PIEZO1: variants seen among roughly 807,000 people sequenced by gnomAD.
PIEZO1 encodes the protein piezo-type mechanosensitive ion channel component 1.
Under a neutral mutation model 297.2 loss-of-function variants are expected in PIEZO1, and 296 were observed. The observed-to-expected ratio is 1.00, with a 90% CI of 0.91 to 1.10. The LOEUF (loss-of-function observed/expected upper bound fraction) is 1.10. Ranked by LOEUF, PIEZO1 falls within the 50% of genes least tolerant of loss-of-function variation. The pLI, the probability that PIEZO1 is intolerant of heterozygous loss-of-function variation, is 0.00. For missense variants in PIEZO1, 5,018 were observed against 3,455.5 expected, an observed-to-expected ratio of 1.45 and a Z score of -11.34; for synonymous variants, 2,427 against 1,507.5, an observed-to-expected ratio of 1.61 and a Z score of -14.13.
At position 88,738,449 on chromosome 16, in the gene PIEZO1, C is replaced by T. The variant is rs1055357956; in HGVS notation, c.635-9G>A. On this transcript the variant is annotated splice_polypyrimidine_tract_variant and intron_variant, in intron 6 of 50. Coordinates refer to ENST00000301015, the MANE Select transcript of PIEZO1 (RefSeq NM_001142864.4). ...CGAGGGGTGGGCGATGCCTGCGGGG[C>T]AGGGGCACACAGGGTGGTACCTGGC... is the stretch of plus-strand genomic sequence containing the variant. The T allele has an allele frequency of 6.5e-7, 1 of 1,534,790 alleles. No homozygotes were observed. Among genetic ancestry groups the T allele is most frequent in the Admixed American group, 2.0e-5 (1 of 50,992 alleles).
rs576496712 is a variant in PIEZO1, at chr16:88,726,160, C to T, written c.3968+124G>A. The T allele has an allele frequency of 5.3e-6, 4 of 754,482 alleles. No homozygotes were observed. The East Asian group carries it at 1.1e-4, about 20-fold the overall frequency. The allele number at this position is 754,482 out of a possible 1,614,324, so 46.7% of individuals were successfully genotyped here. A position where few individuals can be genotyped will look rare whatever the true frequency, so the allele number is the denominator to read the frequency against. ...CTTCATTCTCCCTCTAGATGACACG[C>T]CCATGTCACAGAGTGGCAGAGCCTG... On this transcript the variant is annotated intron_variant, in intron 27 of 50. Transcript: ENST00000301015.
chr16:88,738,960 G>A, intron 5 of PIEZO1: 1 of 585,382 alleles, frequency 1.7e-6, no homozygotes, highest in Non-Finnish European at 3.0e-6. Context: ...GGCCTTCCTG[G>A]TAGCAGCTCC....
intron 44 of PIEZO1, 88 bp downstream of exon 44, chr16:88,719,486 C>A: frequency 7.6e-7 from 1 of 1,323,406 alleles, no homozygotes; most frequent in Non-Finnish European, 1.0e-6. Context: ...CCTCCAGCAC[C>A]ACGGGTTCTC....
In PIEZO1 at chr16:88,715,530, C is replaced by T. The variant is rs1911929497; in HGVS notation, c.*75G>A. ...TGGACGGGGCAGTGGCTCCCCCGGC[C>T]TGAGGAGTGCCGCCCCTTGTGGCCA... On this transcript the variant is annotated 3_prime_UTR_variant, in exon 51 of 51. Transcript: ENST00000301015. 2 of 1,434,844 alleles carry T rather than the reference C, an allele frequency of 1.4e-6. No homozygotes were observed. Among genetic ancestry groups the T allele is most frequent in the Non-Finnish European group, 9.4e-7 (1 of 1,061,628 alleles). The allele number at this position is 1,434,844 out of a possible 1,614,324, so 88.9% of individuals were successfully genotyped here.
At chr16:88,727,708 C>T in intron 22 of PIEZO1, 47 bp from the exon 23 acceptor site, 1 of 942,228 alleles carries the variant, frequency 1.1e-6, no homozygotes, top group Non-Finnish European at 1.5e-6. Flanking sequence ...CTGCCTGGGG[C>T]CTGAGACACC....
At chr16:88,784,583 C>T (rs769399647) in intron 1 of PIEZO1, among the ~76,000 whole-genome samples, 32 of 152,080 alleles carry the variant, frequency 2.1e-4, no homozygotes, top group Non-Finnish European at 4.0e-4. Flanking sequence ...CCTCGCCCGG[C>T]GGCCTCCTCT....
chr16:88,715,957 C>A lies in PIEZO1; in HGVS notation c.7292G>T (p.Ser2431Ile). The change falls in exon 50 of 51, where the codon AGC (serine) becomes ATC (isoleucine). Residue 2431 changes from serine to isoleucine, a missense_variant. By Grantham distance (142) the Ser-to-Ile change is moderately radical (BLOSUM62 -2). Transcript: ENST00000301015. The part of the protein sequence containing the change: ...VIFSDKVSPP[S>I]LGFLAGYGIM... ...CCCGTAGCCAGCCAGGAAGCCGAGG[C>A]TCGGTGGGCTGACCTTGTCACTGAA... 1 of 1,549,838 alleles carries A rather than the reference C, an allele frequency of 6.5e-7. No homozygotes were observed. The highest frequency in any genetic ancestry group is 8.7e-7 in the Non-Finnish European group (1 of 1,146,620).
intron 1 of PIEZO1, among the ~76,000 whole-genome samples, chr16:88,762,930 A>G (rs1906997415): frequency 1.3e-5 from 2 of 152,056 alleles, no homozygotes; most frequent in South Asian, 4.2e-4. Context: ...CCGAGCCCCC[A>G]CCTTATACCC....
intron 20 of PIEZO1, 32 bp from the exon 21 acceptor site, chr16:88,732,567 G>A (rs749655971): frequency 7.8e-6 from 12 of 1,542,684 alleles, no homozygotes; most frequent in Non-Finnish European, 9.6e-6. Flanking sequence ...GGGCAGCCGG[G>A]TACTCGCCCG....
chr16:88,737,966 G>A lies in PIEZO1; in HGVS notation c.988C>T (p.Arg330Cys), dbSNP rs546108970. 53 of 1,533,424 alleles carry A rather than the reference G, an allele frequency of 3.5e-5. No homozygotes were observed. The highest frequency in any genetic ancestry group is 1.8e-4 in the Admixed American group (9 of 50,852). 95.0% of individuals were successfully genotyped at this position (1,533,424 alleles called of 1,614,324 possible). Residue 330 changes from arginine (R) to cysteine (C), a missense_variant, in exon 8 of 51, where the codon CGC becomes TGC. Transcript: ENST00000301015. ...LLLCYATASL[R>C]KLRAYRPSGQ... ...GAGGGGCGGTACGCGCGGAGCTTGCGCAGAGAGGCCGTGGCGTAGCACAGC... is the reference window on the plus strand; with the variant it reads ...GAGGGGCGGTACGCGCGGAGCTTGCACAGAGAGGCCGTGGCGTAGCACAGC...
At position 88,738,378 on chromosome 16, in the gene PIEZO1, A is replaced by G; in HGVS notation, c.697T>C (p.Trp233Arg). The G allele has an allele frequency of 6.5e-7, 1 of 1,535,776 alleles. No individual in the cohort carries two copies. Among genetic ancestry groups the G allele is most frequent in the Non-Finnish European group, 8.7e-7 (1 of 1,146,830 alleles). The part of the protein sequence containing the change: ...YLLLFLALCT[W>R]WACHFPISTR... ...CTGATGGGAAAGTGGCAGGCCCACC[A>G]GGTGCAGAGGGCCAGGAAGAGCAGC... Residue 233 changes from tryptophan (W) to arginine (R), a missense_variant, in exon 7 of 51, where the codon TGG becomes CGG. Physicochemically the swap from Trp to Arg is moderately radical, Grantham distance 101. Transcript: ENST00000301015.
At chr16:88,737,455 G>C in intron 10 of PIEZO1, 104 bp downstream of exon 10, 1 of 754,818 alleles carries the variant, frequency 1.3e-6, no homozygotes, top group Non-Finnish European at 2.1e-6. Context: ...GCAGGCAGAG[G>C]TGCGGCGCGA....
At position 88,719,725 on chromosome 16, in the gene PIEZO1, C is replaced by G. The variant is rs1269782183; in HGVS notation, c.6324-4G>C. ...CAGGAACGGCACCAGCCGGAACCTG[C>G]CCACAGCCAGGGTTCCCGTCAGGTG... On this transcript the variant is annotated splice_polypyrimidine_tract_variant and splice_region_variant and intron_variant, in intron 43 of 50. Coordinates refer to ENST00000301015, the MANE Select transcript of PIEZO1 (RefSeq NM_001142864.4). 1 of 1,550,602 alleles carries G rather than the reference C, an allele frequency of 6.4e-7. No individual in the cohort carries two copies. Among genetic ancestry groups the G allele is most frequent in the Non-Finnish European group, 8.7e-7 (1 of 1,147,078 alleles).
Position 88,726,577 on chromosome 16 carries a change from G to T in PIEZO1, c.3766C>A (p.Leu1256Ile). 2.6e-6 allele frequency: 4 copies of T among 1,550,210 alleles called. No individual in the cohort carries two copies. The highest frequency in any genetic ancestry group is 3.5e-6 in the Non-Finnish European group (4 of 1,146,888). The change falls in exon 26 of 51, where the codon CTT (leucine) becomes ATT (isoleucine). Residue 1256 changes from leucine (L) to isoleucine (I), a missense_variant. By Grantham distance (5) the Leu-to-Ile change is conservative. Transcript: ENST00000301015. ...TAGTAGCCCTTGACGGTGCATACAA[G>T]GCTGAAGAGCTGGATGACCCAGCAG... Reference protein sequence around the residue: ...GFCWVIQLFSLVCTVKGYYDP... With the variant: ...GFCWVIQLFSIVCTVKGYYDP...
At chr16:88,733,849 A>G (rs1905037422) in intron 17 of PIEZO1, 57 bp downstream of exon 17, 8 of 1,462,618 alleles carry the variant, frequency 5.5e-6, no homozygotes, top group Non-Finnish European at 7.3e-6. Flanking sequence ...ACGCCCCCCG[A>G]GCTGGGACAT....
rs59177269 is a variant in PIEZO1, at chr16:88,747,231, GA to G, written c.160+2152del. ...GGGCAACCAAGCAAGACCCCCACTC[GA>G]AAAAAAAAAAAAAAGCCAAGCACGG... On this transcript the variant is annotated intron_variant, in intron 2 of 50. Coordinates refer to ENST00000301015, the MANE Select transcript of PIEZO1 (RefSeq NM_001142864.4). Among the ~76,000 whole-genome samples the G allele has an allele frequency of 3.2e-3, 383 of 121,492 alleles. 2 individuals are homozygous for G. Among genetic ancestry groups the G allele is most frequent in the South Asian group, 0.021 (75 of 3,626 alleles). The allele number at this position is 121,492 out of a possible 152,430, so 79.7% of individuals were successfully genotyped here. A position where few individuals can be genotyped will look rare whatever the true frequency, so the allele number is the denominator to read the frequency against.
intron 1 of PIEZO1, among the ~76,000 whole-genome samples, chr16:88,770,879 G>C (rs1034043110): frequency 2.6e-5 from 4 of 152,238 alleles, no homozygotes; most frequent in Admixed American, 2.6e-4. Context: ...GAGGTGCCCT[G>C]GGGGCTTGGG....
At position 88,758,681 on chromosome 16, in the gene PIEZO1, G is replaced by GC. The variant is rs565480411; in HGVS notation, c.65-9203dup. Among the ~76,000 whole-genome samples the GC allele has an allele frequency of 3.3e-4, 50 of 152,338 alleles. 1 individual carries two copies. In the South Asian group the frequency reaches 9.5e-3, roughly 29 times the overall value. On this transcript the variant is annotated intron_variant, in intron 1 of 50. Transcript: ENST00000301015. ...TGTGGGTCGTGTCTGTATGTGCCCT[G>GC]CAGAATGACACCACTGGGCTCTGGC...
chr16:88,722,922 C>A lies in PIEZO1; in HGVS notation c.4583G>T (p.Trp1528Leu). The change falls in exon 34 of 51, where the codon TGG (tryptophan) becomes TTG (leucine). Residue 1528 changes from tryptophan (W) to leucine (L), a missense_variant. By Grantham distance (61) the Trp-to-Leu change is moderately conservative. Coordinates refer to ENST00000301015, the MANE Select transcript of PIEZO1 (RefSeq NM_001142864.4). ...GQALVDELTR[W>L]LQEFTRHHGT... The stretch of plus-strand genomic sequence containing the variant: ...GTGGTGCCGGGTGAACTCCTGCAGC[C>A]AGCGTGTCAGCTCATCCACTAGCGC... 1 of 1,549,432 alleles carries A rather than the reference C, an allele frequency of 6.5e-7. No individual in the cohort carries two copies.
Sources: allele counts gnomAD v4.1 joint callset (sites outside exome capture counted in the v4.1 genomes callset), GRCh38; gene constraint gnomAD v4.1.1; transcripts MANE v1.5; gene names NCBI Gene and HGNC (gene_info 2026-07-23, HGNC 2026-07-21).